FAM168B: variants seen among roughly 807,000 people sequenced by gnomAD.
FAM168B encodes the protein myelin-associated neurite-outgrowth inhibitor.
Under a neutral mutation model 21.8 loss-of-function variants are expected in FAM168B, and 19 were observed. The observed-to-expected ratio is 0.87, with a 90% CI of 0.61 to 1.28. FAM168B has a LOEUF of 1.28. Among genes scored for constraint, FAM168B ranks in the 50% most tolerant of loss-of-function variants. The pLI, the probability that FAM168B is intolerant of heterozygous loss-of-function variation, is 0.00. For synonymous variants in FAM168B, 126 were observed against 104.8 expected, an observed-to-expected ratio of 1.20 and a Z score of -1.24; for missense variants, 233 against 263.1, an observed-to-expected ratio of 0.89 and a Z score of 0.79.
At chr2:131,080,631 A>C (rs1045431160) in intron 2 of FAM168B, among the ~76,000 whole-genome samples, 1 of 150,038 alleles carries the variant, frequency 6.7e-6, no homozygotes, top group Admixed American at 6.7e-5. Context: ...AATAAAAATA[A>C]AAGAGGTATA....
At chr2:131,079,095 G>A (rs1478094650) in intron 2 of FAM168B, among the ~76,000 whole-genome samples, 2 of 152,072 alleles carry the variant, frequency 1.3e-5, no homozygotes, top group Non-Finnish European at 2.9e-5. Context: ...CTTCACAGAT[G>A]TGATTAAGTG....
At chr2:131,071,800 C>CT in intron 3 of FAM168B, 55 bp downstream of exon 3, 1 of 1,524,330 alleles carries the variant, frequency 6.6e-7, no homozygotes, top group South Asian at 1.1e-5. Flanking sequence ...AAATCCACCC[C>CT]TTCACCTTTC....
rs547190429 is a variant in FAM168B at position 131,056,403 on chromosome 2, G to A, written c.155-708C>T. Among the ~76,000 whole-genome samples the A allele has an allele frequency of 4.6e-5, 7 of 152,304 alleles. No individual in the cohort carries two copies. In the South Asian group the frequency reaches 8.3e-4, roughly 18 times the overall value. On this transcript the variant is annotated intron_variant, in intron 3 of 6. Coordinates refer to ENST00000389915, the MANE Select transcript of FAM168B (RefSeq NM_001009993.4). Reference sequence around the variant, plus strand: ...AAGTGGAGGATGATTGAGCAGACTCGAGAAGAAGGCACTCAGCCAGCAGCG... The same window carrying A: ...AAGTGGAGGATGATTGAGCAGACTCAAGAAGAAGGCACTCAGCCAGCAGCG...
At chr2:131,072,215 C>T (rs982385123) in intron 2 of FAM168B, among the ~76,000 whole-genome samples, 1 of 151,628 alleles carries the variant, frequency 6.6e-6, no homozygotes, top group African/African-American at 2.4e-5. Context: ...CCTCTGCCTC[C>T]CAGGTTCAAG....
chr2:131,055,813 G>A lies in FAM168B; in HGVS notation c.155-118C>T. ...CCCCACGCAACTCGCCAGACCTGCTGCCACTGCCGCCCCCACTCTCCTCCA... is the reference window on the plus strand; with the variant it reads ...CCCCACGCAACTCGCCAGACCTGCTACCACTGCCGCCCCCACTCTCCTCCA... On this transcript the variant is annotated intron_variant, in intron 3 of 6. Coordinates refer to ENST00000389915, the MANE Select transcript of FAM168B (RefSeq NM_001009993.4). 2.5e-6 allele frequency: 3 copies of A among 1,204,574 alleles called. No homozygotes were observed. The South Asian group carries it at 4.5e-5, about 18-fold the overall frequency. 74.6% of individuals were successfully genotyped at this position (1,204,574 alleles called of 1,614,324 possible).
intron 1 of FAM168B, among the ~76,000 whole-genome samples, chr2:131,084,195 C>G (rs919687908): frequency 7.2e-6 from 1 of 139,530 alleles, no homozygotes; most frequent in Non-Finnish European, 1.6e-5. Context: ...CTCCGCCCCC[C>G]CCACCCCACC....
At chr2:131,072,516 G>C (rs1052418549) in intron 2 of FAM168B, among the ~76,000 whole-genome samples, 1 of 151,378 alleles carries the variant, frequency 6.6e-6, no homozygotes, top group East Asian at 1.9e-4. Context: ...GCCCAGGCTA[G>C]AGTGCAGTGG....
chr2:131,070,340 G>A (rs1692811854), intron 3 of FAM168B, among the ~76,000 whole-genome samples: 1 of 152,180 alleles, frequency 6.6e-6, no homozygotes, highest in South Asian at 2.1e-4. Flanking sequence ...ATACGCACAT[G>A]AAAAGATACT....
intron 3 of FAM168B, 70 bp downstream of exon 3, chr2:131,071,785 T>A: frequency 2.3e-5 from 28 of 1,216,834 alleles, no homozygotes; most frequent in South Asian, 6.0e-5. Context: ...TACCCACCCC[T>A]CTCAAAATCC....
chr2:131,077,530 A>C (rs550263612), intron 2 of FAM168B, among the ~76,000 whole-genome samples: 1 of 152,216 alleles, frequency 6.6e-6, no homozygotes, highest in South Asian at 2.1e-4. Context: ...AGCCCCCCCA[A>C]AATGTTTATG....
At chr2:131,055,822 G>A (rs1452470309) in intron 3 of FAM168B, 127 bp from the exon 4 acceptor site, 49 of 1,101,524 alleles carry the variant, frequency 4.4e-5, no homozygotes, top group Middle Eastern at 2.9e-4. Flanking sequence ...TGCCACTGCC[G>A]CCCCCACTCT....
At chr2:131,088,235 G>T (rs978957074) in intron 1 of FAM168B, among the ~76,000 whole-genome samples, 3 of 142,860 alleles carry the variant, frequency 2.1e-5, no homozygotes, top group Non-Finnish European at 4.4e-5. Flanking sequence ...AACAGAGCAA[G>T]ACTCTGTCTG....
At position 131,066,703 on chromosome 2, in the gene FAM168B, G is replaced by A. The variant is rs924396551; in HGVS notation, c.154+5152C>T. On this transcript the variant is annotated intron_variant, in intron 3 of 6. Transcript: ENST00000389915. ...GCTTGGGGCTGAAATCCTCCCATAA[G>A]AAATCAAGGAGTTATTTATTCATTA... Among the ~76,000 whole-genome samples the A allele has an allele frequency of 3.9e-5, 6 of 152,092 alleles. No homozygotes were observed. The South Asian group carries it at 1.2e-3, about 32-fold the overall frequency.
At position 131,052,234 on chromosome 2, in the gene FAM168B, T is replaced by TA. The variant is rs1173321649; in HGVS notation, c.*230dup. On this transcript the variant is annotated 3_prime_UTR_variant, in exon 7 of 7. Transcript: ENST00000389915. ...CTCCCTTTTTATCATTACAGTTAGC[T>TA]AAAAAATTGCCAGGCAGTCCACAAA... 3.0e-6 allele frequency: 3 copies of TA among 985,742 alleles called. No homozygotes were observed. The highest frequency in any genetic ancestry group is 6.1e-5 in the Admixed American group (1 of 16,266). The allele number at this position is 985,742 out of a possible 1,614,324, so 61.1% of individuals were successfully genotyped here.
At chr2:131,078,390 T>C (rs538146062) in intron 2 of FAM168B, among the ~76,000 whole-genome samples, 4 of 152,086 alleles carry the variant, frequency 2.6e-5, no homozygotes, top group South Asian at 2.1e-4. Context: ...TTAAAGCTCA[T>C]GGAGAAAAAA....
chr2:131,050,067 G>C lies in FAM168B; in HGVS notation c.*2398C>G. On this transcript the variant is annotated 3_prime_UTR_variant, in exon 7 of 7. Coordinates refer to ENST00000389915, the MANE Select transcript of FAM168B (RefSeq NM_001009993.4). ...CATAAAGCCTCTCAACTTCATAAAAGGGAAAAAAGGTTAAGTTACAGGGAG... is the reference window on the plus strand; with the variant it reads ...CATAAAGCCTCTCAACTTCATAAAACGGAAAAAAGGTTAAGTTACAGGGAG... 1 of 985,414 alleles carries C rather than the reference G, an allele frequency of 1.0e-6. No homozygotes were observed. The highest frequency in any genetic ancestry group is 1.7e-5 in the African/African-American group (1 of 57,350). The allele number at this position is 985,414 out of a possible 1,614,324, so 61.0% of individuals were successfully genotyped here. A position where few individuals can be genotyped will look rare whatever the true frequency, so the allele number is the denominator to read the frequency against.
intron 2 of FAM168B, among the ~76,000 whole-genome samples, chr2:131,072,741 G>A (rs9967808): frequency 0.17 from 25,359 of 152,142 alleles, 2,481 homozygotes; most frequent in African/African-American, 0.27. Context: ...ACAGGCATAA[G>A]CCACCGCGCC....
At position 131,050,861 on chromosome 2, in the gene FAM168B, GGAA is replaced by G; in HGVS notation, c.*1601_*1603del. The G allele has an allele frequency of 3.0e-6, 3 of 985,412 alleles. No individual in the cohort carries two copies. The highest frequency in any genetic ancestry group is 3.6e-6 in the Non-Finnish European group (3 of 830,028). 61.0% of individuals were successfully genotyped at this position (985,412 alleles called of 1,614,324 possible). On this transcript the variant is annotated 3_prime_UTR_variant, in exon 7 of 7. Transcript: ENST00000389915. ...CAGCACTCAAACCACCACTGCACTGGGAAGAAGACGCACGCTCCTGCCCTAGAG... is the reference window on the plus strand; with the variant it reads ...CAGCACTCAAACCACCACTGCACTGGGAAGACGCACGCTCCTGCCCTAGAG...
Position 131,049,571 on chromosome 2 carries a change from A to T in FAM168B, c.*2894T>A. On this transcript the variant is annotated 3_prime_UTR_variant, in exon 7 of 7. Coordinates refer to ENST00000389915, the MANE Select transcript of FAM168B (RefSeq NM_001009993.4). Reference sequence around the variant, plus strand: ...TCAGCCGCCAGCACAGATCCAAACAAGACCTCCATGAGCAGAGAAACTGCA... The same window carrying T: ...TCAGCCGCCAGCACAGATCCAAACATGACCTCCATGAGCAGAGAAACTGCA... The T allele has an allele frequency of 1.0e-6, 1 of 985,454 alleles. No individual in the cohort carries two copies. The highest frequency in any genetic ancestry group is 1.2e-6 in the Non-Finnish European group (1 of 829,950). The allele number at this position is 985,454 out of a possible 1,614,324, so 61.0% of individuals were successfully genotyped here.
Sources: gnomAD v4.1 joint callset for allele counts (sites outside exome capture counted in the v4.1 genomes callset) on GRCh38, gnomAD v4.1.1 for gene constraint, MANE v1.5 for transcripts, NCBI Gene and HGNC (gene_info 2026-07-23, HGNC 2026-07-21) for gene names.